The following TMOD3 variants were observed in gnomAD, a reference collection of about 807,000 sequenced individuals.
The protein encoded by TMOD3 is tropomodulin 3.
TMOD3 carries 20 observed loss-of-function variants against 39.2 expected under a neutral mutation model. The ratio of observed to expected loss-of-function variants is 0.51; its 90% CI spans 0.36 to 0.74. TMOD3 has a LOEUF of 0.74. Ranked by LOEUF, TMOD3 falls within the 30% of genes least tolerant of loss-of-function variation. TMOD3 has a pLI of 0.00. For synonymous variants in TMOD3, 143 were observed against 145.8 expected, an observed-to-expected ratio of 0.98 and a Z score of 0.14; for missense variants, 381 against 412.8, an observed-to-expected ratio of 0.92 and a Z score of 0.67.
chr15:51,860,977 C>T (rs1191020342), intron 1 of TMOD3: 6 of 542,760 alleles, frequency 1.1e-5, no homozygotes, highest in Admixed American at 2.3e-5. Flanking sequence ...CAAAGTTGAA[C>T]ATCGTCTTTC....
intron 5 of TMOD3, among the ~76,000 whole-genome samples, chr15:51,892,893 T>C (rs935004610): frequency 1.3e-5 from 2 of 152,214 alleles, no homozygotes; most frequent in African/African-American, 4.8e-5. Flanking sequence ...TCTTGTAATA[T>C]ACTAAGACAA....
Position 51,900,296 on chromosome 15 carries a change from C to T in TMOD3, c.877C>T (p.Gln293Ter). ...CCTGGCAGAGCTCAAGATTGACAAT[C>T]AGGTCAATGTTCTACAATAATAACG... ...ETLAELKIDNQRQQLGTAVEL... is the reference protein window; with the variant it reads ...ETLAELKIDN The change falls in exon 8 of 10, where the codon CAG becomes TAG. Residue 293 changes from glutamine to a stop codon, truncating the protein, a stop_gained and splice_region_variant. Coordinates refer to ENST00000308580, the MANE Select transcript of TMOD3 (RefSeq NM_014547.5). LOFTEE classifies it high-confidence loss of function. The T allele has an allele frequency of 6.2e-7, 1 of 1,614,032 alleles. No homozygotes were observed. Among genetic ancestry groups the T allele is most frequent in the Non-Finnish European group, 8.5e-7 (1 of 1,179,996 alleles).
chr15:51,850,504 G>A (rs2056356246), intron 1 of TMOD3, among the ~76,000 whole-genome samples: 1 of 152,110 alleles, frequency 6.6e-6, no homozygotes, highest in Non-Finnish European at 1.5e-5. Flanking sequence ...AGAGAGTGAG[G>A]GGTAGGCAGT....
intron 3 of TMOD3, among the ~76,000 whole-genome samples, chr15:51,882,459 A>G (rs1197340926): frequency 6.6e-6 from 1 of 151,994 alleles, no homozygotes; most frequent in African/African-American, 2.4e-5. Context: ...AGATTGTACC[A>G]CTGCACTCCA....
At chr15:51,841,833 G>A (rs2056314132) in intron 1 of TMOD3, among the ~76,000 whole-genome samples, 3 of 152,064 alleles carry the variant, frequency 2.0e-5, no homozygotes, top group Non-Finnish European at 1.5e-5. Flanking sequence ...GCGGTGGCAC[G>A]ATCTTGGCTC....
rs1374620123 is a variant in TMOD3 at position 51,905,965 on chromosome 15, A to AG, written c.1025-2811_1025-2810insG. On this transcript the variant is annotated intron_variant, in intron 9 of 9. Coordinates refer to ENST00000308580, the MANE Select transcript of TMOD3 (RefSeq NM_014547.5). ...GACTCCGTCTCAAAAAAAAAAAAAA[A>AG]AAAAAAAAAAAAAAAGAAATTGGAC... Among the ~76,000 whole-genome samples the AG allele has an allele frequency of 3.8e-3, 556 of 147,410 alleles. 5 individuals are homozygous for AG. Among genetic ancestry groups the AG allele is most frequent in the African/African-American group, 0.014 (524 of 38,106 alleles).
chr15:51,840,220 G>A (rs1045550115), intron 1 of TMOD3, among the ~76,000 whole-genome samples: 1 of 152,108 alleles, frequency 6.6e-6, no homozygotes, highest in Admixed American at 6.5e-5. Context: ...TTTTCTTTGT[G>A]TACATCGATC....
At chr15:51,871,649 G>C (rs2056475338) in intron 3 of TMOD3, among the ~76,000 whole-genome samples, 1 of 152,166 alleles carries the variant, frequency 6.6e-6, no homozygotes, top group East Asian at 1.9e-4. Context: ...TGGAGGATTA[G>C]AGGAAATAGG....
intron 1 of TMOD3, among the ~76,000 whole-genome samples, chr15:51,845,740 CTG>C (rs1272555140): frequency 6.6e-6 from 1 of 152,110 alleles, no homozygotes; most frequent in African/African-American, 2.4e-5. Context: ...GTGGGAGACT[CTG>C]TCTCAAAAAA....
At chr15:51,860,313 A>G (rs188451104) in intron 1 of TMOD3, 8 of 535,304 alleles carry the variant, frequency 1.5e-5, no homozygotes, top group African/African-American at 3.8e-5. Context: ...ATTTTCATAG[A>G]TGATCCGTGC....
chr15:51,860,578 G>A (rs1423659572), intron 1 of TMOD3: 1 of 566,106 alleles, frequency 1.8e-6, no homozygotes, highest in East Asian at 4.7e-5. Context: ...TTGTTGGAAT[G>A]AATGGCCAAC....
intron 1 of TMOD3, chr15:51,859,734 C>A: frequency 2.1e-6 from 1 of 487,756 alleles, no homozygotes; most frequent in South Asian, 1.7e-5. Context: ...CTCTTTGAGT[C>A]AATCAGCACA....
At chr15:51,840,438 C>T (rs2056307646) in intron 1 of TMOD3, among the ~76,000 whole-genome samples, 2 of 152,230 alleles carry the variant, frequency 1.3e-5, no homozygotes, top group Non-Finnish European at 2.9e-5. Context: ...AGGTACTGTT[C>T]TAAGTGATGT....
At chr15:51,908,430 G>T (rs1831826252) in intron 9 of TMOD3, among the ~76,000 whole-genome samples, 1 of 152,092 alleles carries the variant, frequency 6.6e-6, no homozygotes, top group Non-Finnish European at 1.5e-5. Context: ...AAATTACAAA[G>T]TTAAAAATAA....
intron 6 of TMOD3, among the ~76,000 whole-genome samples, chr15:51,895,855 T>TC (rs1171495780): frequency 6.6e-6 from 1 of 152,118 alleles, no homozygotes; most frequent in African/African-American, 2.4e-5. Context: ...ATGCCTGTAA[T>TC]CCCAGCACTT....
At chr15:51,848,279 G>T (rs1031333582) in intron 1 of TMOD3, among the ~76,000 whole-genome samples, 2 of 152,152 alleles carry the variant, frequency 1.3e-5, no homozygotes, top group Non-Finnish European at 2.9e-5. Flanking sequence ...AAAAGGAAAT[G>T]ACCTTATGAG....
Position 51,840,614 on chromosome 15 carries a change from T to G in TMOD3, c.-75+10778T>G, listed in dbSNP as rs111726835. Among the ~76,000 whole-genome samples the G allele has an allele frequency of 1.1e-3, 164 of 152,368 alleles. 1 individual carries two copies. Among genetic ancestry groups the G allele is most frequent in the African/African-American group, 3.6e-3 (150 of 41,580 alleles). On this transcript the variant is annotated intron_variant, in intron 1 of 9. Coordinates refer to ENST00000308580, the MANE Select transcript of TMOD3 (RefSeq NM_014547.5). ...AGTTGAAATCTTTTTTGTAAGTTAT[T>G]TTAAATGTCATTTTTAAAATAAGAT...
At chr15:51,889,421 A>G (rs2141701039) in intron 5 of TMOD3, among the ~76,000 whole-genome samples, 1 of 152,290 alleles carries the variant, frequency 6.6e-6, no homozygotes, top group Admixed American at 6.5e-5. Context: ...TTGACATTTT[A>G]TTATCACTAC....
intron 3 of TMOD3, among the ~76,000 whole-genome samples, chr15:51,881,630 C>T (rs1482130156): frequency 1.5e-5 from 2 of 129,346 alleles, no homozygotes. Flanking sequence ...GGCACAATCT[C>T]GGCTCACTGC....
Sources: allele counts gnomAD v4.1 joint callset (sites outside exome capture counted in the v4.1 genomes callset), GRCh38; gene constraint gnomAD v4.1.1; transcripts MANE v1.5; gene names NCBI Gene and HGNC (gene_info 2026-07-23, HGNC 2026-07-21).